PTPRD: variants seen among roughly 807,000 people sequenced by gnomAD.
The protein encoded by PTPRD is receptor-type tyrosine-protein phosphatase delta.
PTPRD carries 34 observed loss-of-function variants against 214.5 expected under a neutral mutation model. The ratio of observed to expected loss-of-function variants is 0.16; its 90% CI spans 0.12 to 0.21. The LOEUF (loss-of-function observed/expected upper bound fraction) is 0.21. Among genes scored for constraint, PTPRD ranks in the 10% least tolerant of loss-of-function variants. The pLI is 1.00. For missense variants in PTPRD, 2,545 were observed against 2,398.7 expected (o/e 1.06, Z -1.27); for synonymous variants, 1,128 against 845.7 (o/e 1.33, Z -5.79).
chr9:8,688,273 A>G (rs1300979185), intron 12 of PTPRD, among the ~76,000 whole-genome samples: 2 of 152,210 alleles, frequency 1.3e-5, no homozygotes, highest in African/African-American at 4.8e-5. Context: ...GTGGTTCAAA[A>G]AGGAAAAATA....
intron 5 of PTPRD, among the ~76,000 whole-genome samples, chr9:9,866,629 G>A (rs1301616235): frequency 6.6e-6 from 1 of 152,074 alleles, no homozygotes; most frequent in Non-Finnish European, 1.5e-5. Context: ...AGGAGAATAT[G>A]TTTTAAATTT....
intron 9 of PTPRD, among the ~76,000 whole-genome samples, chr9:9,285,086 T>C (rs1461311830): frequency 1.3e-5 from 2 of 151,804 alleles, no homozygotes; most frequent in Non-Finnish European, 2.9e-5. Context: ...TAGTATGTAA[T>C]ATAAAACCTC....
At chr9:8,557,819 C>T (rs992258244) in intron 14 of PTPRD, among the ~76,000 whole-genome samples, 1 of 145,548 alleles carries the variant, frequency 6.9e-6, no homozygotes, top group South Asian at 2.2e-4. Context: ...TATATACACA[C>T]ACACATATGC....
intron 9 of PTPRD, among the ~76,000 whole-genome samples, chr9:9,215,344 T>C (rs1471057427): frequency 6.6e-6 from 1 of 152,176 alleles, no homozygotes; most frequent in African/African-American, 2.4e-5. Context: ...GAACTGGATT[T>C]GCCACTCAGC....
intron 7 of PTPRD, among the ~76,000 whole-genome samples, chr9:9,707,027 A>G (rs1446140468): frequency 6.6e-6 from 1 of 152,200 alleles, no homozygotes; most frequent in Non-Finnish European, 1.5e-5. Flanking sequence ...ACCACTCAAG[A>G]AAATATTATC....
chr9:8,391,453 A>G (rs10815847), intron 36 of PTPRD, among the ~76,000 whole-genome samples: 30,698 of 152,088 alleles, frequency 0.2, 3,716 homozygotes, highest in Non-Finnish European at 0.27. Flanking sequence ...TAAAGATCCT[A>G]TTCCTCCCCA....
At chr9:8,518,503 T>C in intron 20 of PTPRD, 74 bp from the exon 21 acceptor site, 1 of 1,069,482 alleles carries the variant, frequency 9.4e-7, no homozygotes, top group Non-Finnish European at 1.3e-6. Flanking sequence ...TAAACTCTAC[T>C]ATGAAAATGA....
intron 5 of PTPRD, among the ~76,000 whole-genome samples, chr9:9,862,313 G>T (rs556825026): frequency 6.6e-6 from 1 of 152,244 alleles, no homozygotes; most frequent in South Asian, 2.1e-4. Flanking sequence ...TCTGCAAAAA[G>T]AAAGGAAACA....
At chr9:8,711,854 T>C (rs1267716745) in intron 12 of PTPRD, among the ~76,000 whole-genome samples, 2 of 152,208 alleles carry the variant, frequency 1.3e-5, no homozygotes, top group African/African-American at 4.8e-5. Flanking sequence ...AAAACTGTGA[T>C]ACGGATATAA....
intron 27 of PTPRD, among the ~76,000 whole-genome samples, chr9:8,488,032 T>G (rs2097068128): frequency 6.6e-6 from 1 of 151,776 alleles, no homozygotes. Context: ...GCCTCAAAAT[T>G]ATGAATGTGA....
At chr9:10,150,881 G>T (rs1353841710) in intron 3 of PTPRD, among the ~76,000 whole-genome samples, 1 of 151,826 alleles carries the variant, frequency 6.6e-6, no homozygotes, top group East Asian at 1.9e-4. Context: ...AAATTTTATA[G>T]TATCCCCAAA....
chr9:10,367,256 C>A (rs376755376), intron 2 of PTPRD, among the ~76,000 whole-genome samples: 18 of 152,160 alleles, frequency 1.2e-4, no homozygotes, highest in Non-Finnish European at 8.8e-5. Context: ...TGTGCCAAAG[C>A]CTTCCACTGT....
intron 43 of PTPRD, among the ~76,000 whole-genome samples, chr9:8,332,423 C>A (rs1236939190): frequency 6.6e-6 from 1 of 152,064 alleles, no homozygotes; most frequent in African/African-American, 2.4e-5. Flanking sequence ...GTAAAGCATC[C>A]CTCAAGGATA....
chr9:10,152,750 G>C (rs1366533235), intron 3 of PTPRD, among the ~76,000 whole-genome samples: 1 of 152,160 alleles, frequency 6.6e-6, no homozygotes, highest in Non-Finnish European at 1.5e-5. Flanking sequence ...GCTTGAACCT[G>C]GAAGGCGGAG....
chr9:8,982,740 A>G (rs2099319708), intron 11 of PTPRD, among the ~76,000 whole-genome samples: 1 of 152,024 alleles, frequency 6.6e-6, no homozygotes, highest in African/African-American at 2.4e-5. Context: ...ATCAATTCAT[A>G]TTTAGCAACC....
At chr9:9,716,318 G>A (rs1297712343) in intron 7 of PTPRD, among the ~76,000 whole-genome samples, 4 of 151,750 alleles carry the variant, frequency 2.6e-5, no homozygotes, top group Admixed American at 2.6e-4. Context: ...AAACATACGT[G>A]TGCATGTGTC....
chr9:8,437,157 G>C (rs1590396502), intron 34 of PTPRD: 1 of 1,415,238 alleles, frequency 7.1e-7, no homozygotes, highest in Non-Finnish European at 9.5e-7. Flanking sequence ...TAGCTTGATA[G>C]TAAACATAAA....
intron 8 of PTPRD, among the ~76,000 whole-genome samples, chr9:9,513,587 CA>C (rs372652675): frequency 0.045 from 5,110 of 113,434 alleles, 110 homozygotes; most frequent in South Asian, 0.095. Flanking sequence ...AGATATATAA[CA>C]AAAAAAAAAC....
At position 10,380,387 on chromosome 9, in the gene PTPRD, G is replaced by C. The variant is rs182540815; in HGVS notation, c.-599-39370C>G. Reference sequence around the variant, plus strand: ...AAGAATAAAATATGAGAGTAAGATGGTTTTGAACATGATTTTCAATTGCAT... The same window carrying C: ...AAGAATAAAATATGAGAGTAAGATGCTTTTGAACATGATTTTCAATTGCAT... On this transcript the variant is annotated intron_variant, in intron 2 of 45. Transcript: ENST00000381196. 1.1e-3 allele frequency among the ~76,000 whole-genome samples: 169 copies of C among 152,118 alleles called. 1 individual carries two copies. Among genetic ancestry groups the C allele is most frequent in the African/African-American group, 3.9e-3 (161 of 41,542 alleles).
Sources: gnomAD v4.1 joint callset for allele counts (sites outside exome capture counted in the v4.1 genomes callset) on GRCh38, gnomAD v4.1.1 for gene constraint, MANE v1.5 for transcripts, NCBI Gene and HGNC (gene_info 2026-07-23, HGNC 2026-07-21) for gene names.